Variants in KCNH1 observed in about 807,000 individuals in gnomAD.
KCNH1 encodes voltage-gated delayed rectifier potassium channel KCNH1.
In KCNH1, 27 loss-of-function variants were observed where a neutral mutation model predicts 69.2. The observed-to-expected ratio is 0.39, with a 90% CI of 0.29 to 0.54. The LOEUF (loss-of-function observed/expected upper bound fraction) is 0.54. Ranked by LOEUF, KCNH1 falls within the 20% of genes least tolerant of loss-of-function variation. The pLI is 0.68. For missense variants in KCNH1, 798 were observed against 1,261.6 expected, an observed-to-expected ratio of 0.63 and a Z score of 5.57; for synonymous variants, 456 against 487.7, an observed-to-expected ratio of 0.93 and a Z score of 0.86.
At chr1:210,867,483 G>A (rs549837622) in intron 7 of KCNH1, among the ~76,000 whole-genome samples, 2 of 151,392 alleles carry the variant, frequency 1.3e-5, no homozygotes, top group South Asian at 2.1e-4. Flanking sequence ...GTGACCAAAG[G>A]TACTGTGAAA....
intron 6 of KCNH1, among the ~76,000 whole-genome samples, chr1:211,012,096 C>CA (rs1393741050): frequency 6.6e-6 from 1 of 151,912 alleles, no homozygotes; most frequent in Admixed American, 6.6e-5. Context: ...CTCTTTTTTC[C>CA]AAAATAATTG....
At chr1:210,861,670 A>T (rs1053461119) in intron 7 of KCNH1, 27 of 772,848 alleles carry the variant, frequency 3.5e-5, no homozygotes, top group African/African-American at 8.5e-5. Context: ...AAGATCATAG[A>T]AGATCTTGAA....
intron 7 of KCNH1, chr1:210,861,837 G>C: frequency 1.3e-6 from 1 of 758,422 alleles, no homozygotes. Context: ...GCTGATAAAG[G>C]CAAATAATTC....
intron 1 of KCNH1, among the ~76,000 whole-genome samples, chr1:211,126,250 C>T (rs1210832060): frequency 3.3e-5 from 5 of 152,138 alleles, no homozygotes; most frequent in Admixed American, 1.3e-4. Context: ...TAGCTCACGC[C>T]TGTAATCCCA....
chr1:210,841,333 G>A (rs927608998), intron 7 of KCNH1, among the ~76,000 whole-genome samples: 1 of 152,140 alleles, frequency 6.6e-6, no homozygotes, highest in African/African-American at 2.4e-5. Flanking sequence ...CCAGTGAACT[G>A]TAAGCTATCA....
At chr1:210,716,431 C>CAAAAAAAAAAAAAAAA (rs58725705) in intron 10 of KCNH1, among the ~76,000 whole-genome samples, 1 of 91,972 alleles carries the variant, frequency 1.1e-5, no homozygotes, top group African/African-American at 4.8e-5. Context: ...GACTCCGTCT[C>CAAAAAAAAAAAAAAAA]AAAAAAAAAA....
At chr1:211,039,055 A>G (rs1397900085) in intron 5 of KCNH1, among the ~76,000 whole-genome samples, 1 of 152,152 alleles carries the variant, frequency 6.6e-6, no homozygotes, top group East Asian at 1.9e-4. Context: ...GCCCAGGAGG[A>G]AAAAGTGGTT....
At chr1:210,827,446 C>T (rs1685056537) in intron 7 of KCNH1, among the ~76,000 whole-genome samples, 1 of 152,222 alleles carries the variant, frequency 6.6e-6, no homozygotes, top group African/African-American at 2.4e-5. Flanking sequence ...TGTACTACTA[C>T]TTTTCAAGAA....
chr1:210,862,171 G>A lies in KCNH1; in HGVS notation c.1462+57469C>T, dbSNP rs1177646420. 3.6e-5 allele frequency: 48 copies of A among 1,350,338 alleles called. No homozygotes were observed. In the South Asian group the frequency reaches 4.8e-4, roughly 13 times the overall value. The allele number at this position is 1,350,338 out of a possible 1,614,324, so 83.6% of individuals were successfully genotyped here. A position where few individuals can be genotyped will look rare whatever the true frequency, so the allele number is the denominator to read the frequency against. Reference sequence around the variant, plus strand: ...TTCCGACATAGTAATCTGGAGCAGCGTTGAGACAAAATTCAGAGATTTGTG... The same window carrying A: ...TTCCGACATAGTAATCTGGAGCAGCATTGAGACAAAATTCAGAGATTTGTG... On this transcript the variant is annotated intron_variant, in intron 7 of 10. Transcript: ENST00000271751.
intron 10 of KCNH1, among the ~76,000 whole-genome samples, chr1:210,709,727 AGAGAG>A (rs762828082): frequency 2.4e-5 from 3 of 126,338 alleles, no homozygotes; most frequent in South Asian, 2.2e-4. Flanking sequence ...GAAAGAAGAG[AGAGAG>A]AGAGAGAGAA....
intron 10 of KCNH1, among the ~76,000 whole-genome samples, chr1:210,751,591 G>A (rs1027023928): frequency 3.3e-5 from 5 of 152,036 alleles, no homozygotes; most frequent in Non-Finnish European, 5.9e-5. Flanking sequence ...GGTGTAGTGG[G>A]TAGGGGCCAC....
chr1:211,004,082 ACT>A (rs1689236260), intron 6 of KCNH1, among the ~76,000 whole-genome samples: 2 of 152,262 alleles, frequency 1.3e-5, no homozygotes, highest in Middle Eastern at 6.8e-3. Flanking sequence ...CGACAGCGAG[ACT>A]CTGTCTCAAA....
At chr1:210,880,352 C>A (rs1026401680) in intron 7 of KCNH1, among the ~76,000 whole-genome samples, 2 of 152,092 alleles carry the variant, frequency 1.3e-5, no homozygotes, top group Non-Finnish European at 2.9e-5. Context: ...TTATTAAAAG[C>A]TACAGTAATC....
intron 6 of KCNH1, among the ~76,000 whole-genome samples, chr1:210,922,001 G>C (rs1055270933): frequency 6.6e-6 from 1 of 152,004 alleles, no homozygotes; most frequent in Non-Finnish European, 1.5e-5. Context: ...GCATAGCCTT[G>C]TCAATATAGA....
chr1:211,064,583 G>A (rs753992476), intron 5 of KCNH1, among the ~76,000 whole-genome samples: 3 of 151,704 alleles, frequency 2.0e-5, no homozygotes, highest in East Asian at 1.9e-4. Context: ...AAAATCAAGC[G>A]AATTTTAAAA....
chr1:211,107,149 C>G (rs1378210931), intron 2 of KCNH1, 105 bp downstream of exon 2: 4 of 1,255,700 alleles, frequency 3.2e-6, no homozygotes, highest in Non-Finnish European at 4.5e-6. Flanking sequence ...CCTGTGAATA[C>G]ACACTAAATG....
At chr1:210,977,445 TA>T (rs56957311) in intron 6 of KCNH1, among the ~76,000 whole-genome samples, 2,586 of 146,544 alleles carry the variant, frequency 0.018, 72 homozygotes, top group African/African-American at 0.061. Flanking sequence ...AAGTATAATT[TA>T]AAAAAAAAAA....
intron 6 of KCNH1, among the ~76,000 whole-genome samples, chr1:211,009,129 C>T (rs1689346352): frequency 6.6e-6 from 1 of 152,064 alleles, no homozygotes; most frequent in African/African-American, 2.4e-5. Context: ...TGATAGGCCA[C>T]CATTGTGGAT....
chr1:210,946,496 T>A (rs1313923610), intron 6 of KCNH1, among the ~76,000 whole-genome samples: 1 of 152,276 alleles, frequency 6.6e-6, no homozygotes, highest in East Asian at 1.9e-4. Context: ...TTCTAGAAAC[T>A]CCTGTATTAC....
Sources: gnomAD v4.1 joint callset for allele counts (sites outside exome capture counted in the v4.1 genomes callset) on GRCh38, gnomAD v4.1.1 for gene constraint, MANE v1.5 for transcripts, NCBI Gene and HGNC (gene_info 2026-07-23, HGNC 2026-07-21) for gene names.